NPLOC4: variants seen among roughly 807,000 people sequenced by gnomAD.
NPLOC4 encodes nuclear protein localization protein 4 homolog.
Under a neutral mutation model 80.6 loss-of-function variants are expected in NPLOC4, and 18 were observed. The ratio of observed to expected loss-of-function variants is 0.22; its 90% CI spans 0.15 to 0.33. The LOEUF is 0.33. NPLOC4 is among the 10% of genes least tolerant of loss of function. The probability of loss-of-function intolerance (pLI) is 1.00; values close to 1 mark genes in which losing one functional copy is unlikely to be tolerated. For synonymous variants in NPLOC4, 313 were observed against 301.5 expected (o/e 1.04, Z -0.39); for missense variants, 540 against 786.1 (o/e 0.69, Z 3.74).
intron 11 of NPLOC4, among the ~76,000 whole-genome samples, chr17:81,595,230 T>C (rs898457397): frequency 2.6e-5 from 4 of 151,360 alleles, no homozygotes; most frequent in African/African-American, 9.7e-5. Flanking sequence ...TGAGGTCAGT[T>C]CAAGATTAGC....
intron 12 of NPLOC4, among the ~76,000 whole-genome samples, chr17:81,586,538 G>A (rs980813371): frequency 1.3e-5 from 2 of 151,730 alleles, no homozygotes; most frequent in Non-Finnish European, 2.9e-5. Flanking sequence ...TGAACTCAAG[G>A]GGCGGAGGCT....
At chr17:81,594,876 T>C (rs1329338961) in intron 11 of NPLOC4, among the ~76,000 whole-genome samples, 2 of 146,730 alleles carry the variant, frequency 1.4e-5, no homozygotes, top group Non-Finnish European at 3.0e-5. Context: ...AGCCCAGGAG[T>C]CGCACCAGTG....
chr17:81,564,957 C>T (rs2033965638), intron 16 of NPLOC4: 1 of 294,758 alleles, frequency 3.4e-6, no homozygotes, highest in Non-Finnish European at 6.4e-6. Context: ...CACCACGGTG[C>T]GTGAGGAGTC....
chr17:81,606,878 G>A, intron 6 of NPLOC4, 64 bp from the exon 7 acceptor site: 1 of 1,485,792 alleles, frequency 6.7e-7, no homozygotes, highest in African/African-American at 1.4e-5. Context: ...GGCTGGAAAT[G>A]ACATGCTAAG....
At chr17:81,564,094 A>ATG (rs1568114510) in intron 16 of NPLOC4, 70 of 336,662 alleles carry the variant, frequency 2.1e-4, no homozygotes, top group African/African-American at 1.5e-3. Flanking sequence ...ACACACACAC[A>ATG]CACACACACA....
At chr17:81,603,753 T>G (rs912200392) in intron 8 of NPLOC4, among the ~76,000 whole-genome samples, 7 of 152,214 alleles carry the variant, frequency 4.6e-5, no homozygotes, top group Non-Finnish European at 1.0e-4. Context: ...ATTTTTCTAT[T>G]GGATTTCAAG....
At chr17:81,625,110 G>A (rs1712463215) in intron 2 of NPLOC4, among the ~76,000 whole-genome samples, 1 of 152,196 alleles carries the variant, frequency 6.6e-6, no homozygotes, top group Non-Finnish European at 1.5e-5. Flanking sequence ...ACACTTTCCA[G>A]CAGTGGTCAT....
intron 4 of NPLOC4, chr17:81,612,638 G>C (rs1269989164): frequency 1.3e-5 from 2 of 152,196 alleles, no homozygotes; most frequent in Non-Finnish European, 2.9e-5. Context: ...CCACTGCAGA[G>C]ACAACCTTCG....
Position 81,585,670 on chromosome 17 carries a change from G to GC in NPLOC4, c.1281+3273_1281+3274insG, listed in dbSNP as rs1329590389. 5.7e-3 allele frequency among the ~76,000 whole-genome samples: 810 copies of GC among 142,566 alleles called. 39 individuals carry two copies. Among genetic ancestry groups the GC allele is most frequent in the African/African-American group, 0.019 (729 of 37,774 alleles). 93.5% of individuals were successfully genotyped at this position (142,566 alleles called of 152,430 possible). The stretch of plus-strand genomic sequence containing the variant: ...AGGAAGACTCCATTTCTGGGGGGGG[G>GC]GGGAAAGAAAGAAATCAGAGGCTGG... On this transcript the variant is annotated intron_variant, in intron 12 of 16. Coordinates refer to ENST00000331134, the MANE Select transcript of NPLOC4 (RefSeq NM_017921.4).
At chr17:81,613,554 C>T in intron 3 of NPLOC4, 60 bp from the exon 4 acceptor site, 1 of 1,515,986 alleles carries the variant, frequency 6.6e-7, no homozygotes, top group Non-Finnish European at 8.9e-7. Context: ...TCATGGAAGC[C>T]CAACTTGGAT....
At chr17:81,621,840 C>A (rs557688615) in intron 3 of NPLOC4, among the ~76,000 whole-genome samples, 1 of 152,338 alleles carries the variant, frequency 6.6e-6, no homozygotes, top group South Asian at 2.1e-4. Flanking sequence ...TCCCGGCACA[C>A]AGCTGTGTTC....
intron 4 of NPLOC4, among the ~76,000 whole-genome samples, chr17:81,611,403 G>A (rs945907471): frequency 6.6e-6 from 1 of 151,706 alleles, no homozygotes; most frequent in Non-Finnish European, 1.5e-5. Flanking sequence ...AGGCTGGAGT[G>A]CAGAGGTATG....
chr17:81,567,379 C>T lies in NPLOC4; in HGVS notation c.1566+38G>A, dbSNP rs2034040521. 2 of 1,271,056 alleles carry T rather than the reference C, an allele frequency of 1.6e-6. No individual in the cohort carries two copies. The highest frequency in any genetic ancestry group is 1.1e-6 in the Non-Finnish European group (1 of 875,198). The allele number at this position is 1,271,056 out of a possible 1,614,324, so 78.7% of individuals were successfully genotyped here. ...CACAGGCGTCTCTTTGCAGCCAAAG[C>T]CCACTTGCTCAAGTGGACACCACAC... On this transcript the variant is annotated intron_variant, in intron 15 of 16. Transcript: ENST00000331134. The surrounding 1 kb of genome is among the most constrained non-coding windows in gnomAD (Gnocchi z 4.5).
intron 5 of NPLOC4, among the ~76,000 whole-genome samples, chr17:81,609,781 C>T (rs1598663388): frequency 6.6e-6 from 1 of 152,288 alleles, no homozygotes; most frequent in East Asian, 1.9e-4. Flanking sequence ...CTGCTGTAAA[C>T]CCAGCATTAA....
chr17:81,566,018 T>C (rs1271832118), intron 15 of NPLOC4, among the ~76,000 whole-genome samples: 1 of 152,180 alleles, frequency 6.6e-6, no homozygotes, highest in East Asian at 1.9e-4. Flanking sequence ...TATCCTAGCC[T>C]TCCGAGTCAA....
intron 1 of NPLOC4, among the ~76,000 whole-genome samples, chr17:81,635,868 T>C (rs1420906948): frequency 6.6e-6 from 1 of 152,250 alleles, no homozygotes; most frequent in Non-Finnish European, 1.5e-5. Context: ...AGTTAGTTTT[T>C]TTCCCATCAC....
chr17:81,559,107 G>A lies in NPLOC4; in HGVS notation c.*152C>T. The A allele has an allele frequency of 1.2e-6, 1 of 830,712 alleles. No individual in the cohort carries two copies. Among genetic ancestry groups the A allele is most frequent in the South Asian group, 1.8e-5 (1 of 54,176 alleles). 51.5% of individuals were successfully genotyped at this position (830,712 alleles called of 1,614,324 possible). On this transcript the variant is annotated 3_prime_UTR_variant, in exon 17 of 17. Transcript: ENST00000331134. ...TCTCCAGGGAGGAACGTGCTGAGAA[G>A]CTTCAGTGGGTCAGGGAGCCCAGGA...
chr17:81,596,178 T>C lies in NPLOC4; in HGVS notation c.1058A>G (p.Asn353Ser). Residue 353 changes from asparagine to serine, a missense_variant, in exon 11 of 17, where the codon AAC (asparagine) becomes AGC (serine). Physicochemically the swap from Asn to Ser is conservative, Grantham distance 46. This residue lies in a region of NPLOC4 where 251 missense variants were observed against 377.5 expected (regional missense o/e 0.66). Transcript: ENST00000331134. Reference protein sequence around the residue: ...TAGDFQNKHPNMCRLSPDGHF... With the variant: ...TAGDFQNKHPSMCRLSPDGHF... ...TCCGTCTGGAGAGAGCCGGCACATG[T>C]TGGGATGCTTGTTCTGGAAGTCTCC... is the stretch of plus-strand genomic sequence containing the variant. The C allele has an allele frequency of 6.2e-7, 1 of 1,613,986 alleles. No individual in the cohort carries two copies. The highest frequency in any genetic ancestry group is 2.2e-5 in the East Asian group (1 of 44,890).
At position 81,558,935 on chromosome 17, in the gene NPLOC4, G is replaced by T; in HGVS notation, c.*324C>A. ...GGTGGCAGCATCGGCCCCTCCCTGT[G>T]CGCCCCAATTCCAGGTGCCACGTAG... On this transcript the variant is annotated 3_prime_UTR_variant, in exon 17 of 17. Transcript: ENST00000331134. The T allele has an allele frequency of 4.2e-6, 1 of 239,384 alleles. No individual in the cohort carries two copies. Among genetic ancestry groups the T allele is most frequent in the Non-Finnish European group, 8.0e-6 (1 of 124,378 alleles). The allele number at this position is 239,384 out of a possible 1,614,324, so 14.8% of individuals were successfully genotyped here.
Sources: allele counts gnomAD v4.1 joint callset (sites outside exome capture counted in the v4.1 genomes callset), GRCh38; gene constraint gnomAD v4.1.1; regional missense constraint gnomAD v4.1.1; non-coding constraint Gnocchi (gnomAD v3.1); transcripts MANE v1.5; gene names NCBI Gene and HGNC (gene_info 2026-07-23, HGNC 2026-07-21).